The following MTHFD1L variants were observed in gnomAD, a reference collection of about 807,000 sequenced individuals.
MTHFD1L encodes methylenetetrahydrofolate dehydrogenase (NADP+ dependent) 1 like.
A neutral mutation model predicts 119.5 loss-of-function variants in MTHFD1L; 81 were observed. That is an observed-to-expected ratio of 0.68 (90% confidence interval 0.57 to 0.82). The LOEUF is 0.82. MTHFD1L is among the 40% of genes least tolerant of loss of function. The pLI is 0.00. For missense variants in MTHFD1L, 1,125 were observed against 1,253.4 expected, an observed-to-expected ratio of 0.90 and a Z score of 1.55; for synonymous variants, 430 against 475.2, an observed-to-expected ratio of 0.90 and a Z score of 1.24.
At chr6:151,077,944 C>T (rs1334832918) in intron 26 of MTHFD1L, among the ~76,000 whole-genome samples, 4 of 142,918 alleles carry the variant, frequency 2.8e-5, no homozygotes, top group South Asian at 2.3e-4. Context: ...CCAGCTACTC[C>T]GGAGAGGCTG....
At chr6:151,067,567 ACCCG>A (rs1165846507) in intron 26 of MTHFD1L, among the ~76,000 whole-genome samples, 1 of 152,048 alleles carries the variant, frequency 6.6e-6, no homozygotes, top group East Asian at 1.9e-4. Context: ...CAAGTGATCC[ACCCG>A]CCTTGGCCTC....
At chr6:151,050,836 T>C (rs1444083961) in intron 26 of MTHFD1L, among the ~76,000 whole-genome samples, 1 of 152,158 alleles carries the variant, frequency 6.6e-6, no homozygotes, top group Non-Finnish European at 1.5e-5. Context: ...AACACGCTTA[T>C]GTGTGCCAGT....
rs542959604 is a variant in MTHFD1L at position 151,026,279 on chromosome 6, T to G, written c.2587-8214T>G. On this transcript the variant is annotated intron_variant, in intron 24 of 27. Coordinates refer to ENST00000367321, the MANE Select transcript of MTHFD1L (RefSeq NM_015440.5). ...AATCCTCTACTATTTCTTCGTGGAG[T>G]CATTCAGCTAGTGTTTATGTTGTGC... 3.9e-5 allele frequency among the ~76,000 whole-genome samples: 6 copies of G among 152,220 alleles called. No individual in the cohort carries two copies. In the East Asian group the frequency reaches 1.2e-3, roughly 29 times the overall value.
Position 151,089,207 on chromosome 6 carries a change from C to A in MTHFD1L, c.2848-3260C>A, listed in dbSNP as rs1327439786. Among the ~76,000 whole-genome samples, 3 of 152,206 alleles carry A rather than the reference C, an allele frequency of 2.0e-5. No individual in the cohort carries two copies. In the East Asian group the frequency reaches 5.8e-4, roughly 29 times the overall value. ...GTTCATTTCAGGGGTGGGGCAGCAT[C>A]AGTGTGGCTAAATGTGAATATTCAT... On this transcript the variant is annotated intron_variant, in intron 26 of 27. Coordinates refer to ENST00000367321, the MANE Select transcript of MTHFD1L (RefSeq NM_015440.5).
At position 150,937,018 on chromosome 6, in the gene MTHFD1L, A is replaced by G. The variant is rs1010511414; in HGVS notation, c.1393+78A>G. ...ATTGTAAAAAGAACATTGTCAACAG[A>G]TAAAGAGTTAAGACTTTTCAGGGGA... On this transcript the variant is annotated intron_variant, in intron 12 of 27. Coordinates refer to ENST00000367321, the MANE Select transcript of MTHFD1L (RefSeq NM_015440.5). 1.8e-5 allele frequency: 27 copies of G among 1,535,732 alleles called. 1 individual carries two copies. Among genetic ancestry groups the G allele is most frequent in the African/African-American group, 8.2e-5 (6 of 73,138 alleles).
At chr6:151,090,846 T>C (rs35307141) in intron 26 of MTHFD1L, among the ~76,000 whole-genome samples, 34,491 of 123,420 alleles carry the variant, frequency 0.28, 5,477 homozygotes, top group East Asian at 0.52. Flanking sequence ...GCAGCATCGC[T>C]CCATGTGACT....
At position 151,003,399 on chromosome 6, in the gene MTHFD1L, G is replaced by A. The variant is rs56324236; in HGVS notation, c.2126-6420G>A. Among the ~76,000 whole-genome samples, 143 of 152,266 alleles carry A rather than the reference G, an allele frequency of 9.4e-4. 1 individual carries two copies. The highest frequency in any genetic ancestry group is 3.2e-3 in the African/African-American group (135 of 41,558). On this transcript the variant is annotated intron_variant, in intron 20 of 27. Transcript: ENST00000367321. Reference sequence around the variant, plus strand: ...ATACAAAAATTAGCCGAGCGTGGTGGTGGGTGCCTGTAGTCCCACCTACTC... The same window carrying A: ...ATACAAAAATTAGCCGAGCGTGGTGATGGGTGCCTGTAGTCCCACCTACTC...
rs1322866853 is a variant in MTHFD1L, at chr6:151,039,553, C to A, written c.2847+2436C>A. Among the ~76,000 whole-genome samples the A allele has an allele frequency of 6.6e-6, 1 of 152,118 alleles. No homozygotes were observed. Among genetic ancestry groups the A allele is most frequent in the Non-Finnish European group, 1.5e-5 (1 of 68,034 alleles). On this transcript the variant is annotated intron_variant, in intron 26 of 27. Coordinates refer to ENST00000367321, the MANE Select transcript of MTHFD1L (RefSeq NM_015440.5). The surrounding 1 kb of genome is among the most constrained non-coding windows in gnomAD (Gnocchi z 4.4). Reference sequence around the variant, plus strand: ...ACAGGCTCATGCCACTGTGCCAGGCCTGTGTATAATTTAATTATACCTCAG... The same window carrying A: ...ACAGGCTCATGCCACTGTGCCAGGCATGTGTATAATTTAATTATACCTCAG...
chr6:151,064,949 G>A (rs1361048060), intron 26 of MTHFD1L, among the ~76,000 whole-genome samples: 2 of 151,952 alleles, frequency 1.3e-5, no homozygotes, highest in East Asian at 1.9e-4. Context: ...GATTACAGGC[G>A]TGCCACTACG....
intron 16 of MTHFD1L, among the ~76,000 whole-genome samples, chr6:150,954,730 A>G (rs1436283650): frequency 6.6e-6 from 1 of 151,680 alleles, no homozygotes; most frequent in African/African-American, 2.4e-5. Context: ...GCAGAGACAC[A>G]ATCATGGTCA....
At chr6:150,873,246 TGGA>T (rs1179576053) in intron 1 of MTHFD1L, among the ~76,000 whole-genome samples, 1 of 152,000 alleles carries the variant, frequency 6.6e-6, no homozygotes, top group East Asian at 1.9e-4. Flanking sequence ...ACCTGGGAGA[TGGA>T]GGTTGCAGTG....
chr6:150,986,843 T>A (rs1778376766), intron 20 of MTHFD1L, among the ~76,000 whole-genome samples: 1 of 152,182 alleles, frequency 6.6e-6, no homozygotes, highest in African/African-American at 2.4e-5. Context: ...TAGCTGGGAC[T>A]ACAGGCATCT....
intron 24 of MTHFD1L, chr6:151,022,168 T>A (rs971375143): frequency 2.8e-5 from 11 of 396,606 alleles, no homozygotes; most frequent in Admixed American, 5.9e-5. Context: ...TTTCCTCCTC[T>A]GCTGGTCTTT....
At chr6:150,985,906 T>C (rs1778240979) in intron 20 of MTHFD1L, among the ~76,000 whole-genome samples, 1 of 152,058 alleles carries the variant, frequency 6.6e-6, no homozygotes, top group South Asian at 2.1e-4. Context: ...CGACAAACAA[T>C]GCAGAGAATC....
chr6:151,006,462 A>G (rs984560591), intron 20 of MTHFD1L, among the ~76,000 whole-genome samples: 154 of 152,152 alleles, frequency 1.0e-3, no homozygotes, highest in Admixed American at 1.0e-2. Flanking sequence ...GGAAGTTTAC[A>G]CAAGGGTGGC....
chr6:150,985,653 T>C (rs1583963211), intron 20 of MTHFD1L, among the ~76,000 whole-genome samples: 1 of 115,462 alleles, frequency 8.7e-6, no homozygotes, highest in South Asian at 2.9e-4. Flanking sequence ...AGAGTGAGAC[T>C]CTGTCTCAAA....
rs1303721026 is a variant in MTHFD1L, at chr6:150,865,855, G to A, written c.33G>A (p.Gln11=). The A allele has an allele frequency of 8.2e-6, 10 of 1,225,326 alleles. No individual in the cohort carries two copies. The highest frequency in any genetic ancestry group is 2.6e-5 in the South Asian group (1 of 38,494). 75.9% of individuals were successfully genotyped at this position (1,225,326 alleles called of 1,614,324 possible). A position where few individuals can be genotyped will look rare whatever the true frequency, so the allele number is the denominator to read the frequency against. MGTRLPLVLR[Q]LRRPPQPPGP... ...CGCGTCTGCCGCTCGTCCTGCGCCA[G>A]CTCCGCCGCCCGCCCCAGCCCCCGG... Residue 11 remains glutamine (Q), a synonymous_variant, in exon 1 of 28, where the codon CAG becomes CAA. Coordinates refer to ENST00000367321, the MANE Select transcript of MTHFD1L (RefSeq NM_015440.5).
intron 24 of MTHFD1L, among the ~76,000 whole-genome samples, chr6:151,019,101 T>G (rs73620646): frequency 0.066 from 9,955 of 151,572 alleles, 1,081 homozygotes; most frequent in African/African-American, 0.23. Context: ...TGGGTTCCTG[T>G]TCTTTGGTCC....
Position 150,873,803 on chromosome 6 carries a change from G to A in MTHFD1L, c.228-2287G>A, listed in dbSNP as rs576038069. 5.3e-5 allele frequency among the ~76,000 whole-genome samples: 8 copies of A among 152,224 alleles called. No individual in the cohort carries two copies. In the East Asian group the frequency reaches 1.2e-3, roughly 22 times the overall value. On this transcript the variant is annotated intron_variant, in intron 1 of 27. Coordinates refer to ENST00000367321, the MANE Select transcript of MTHFD1L (RefSeq NM_015440.5). Reference sequence around the variant, plus strand: ...CTGCCTCAGCCTCCTGAGTAGCTCTGGGATTACAGGTGTGCACCACCATGC... The same window carrying A: ...CTGCCTCAGCCTCCTGAGTAGCTCTAGGATTACAGGTGTGCACCACCATGC...
Sources: allele counts gnomAD v4.1 joint callset (sites outside exome capture counted in the v4.1 genomes callset), GRCh38; gene constraint gnomAD v4.1.1; non-coding constraint Gnocchi (gnomAD v3.1); transcripts MANE v1.5; gene names NCBI Gene and HGNC (gene_info 2026-07-23, HGNC 2026-07-21).